CACNA1C: variants seen among roughly 807,000 people sequenced by gnomAD.
The protein encoded by CACNA1C is voltage-dependent L-type calcium channel subunit alpha-1C.
Under a neutral mutation model 229.0 loss-of-function variants are expected in CACNA1C, and 30 were observed. The ratio of observed to expected loss-of-function variants is 0.13; its 90% CI spans 0.10 to 0.18. CACNA1C has a LOEUF of 0.18. Among genes scored for constraint, CACNA1C ranks in the 10% least tolerant of loss-of-function variants. CACNA1C has a pLI of 1.00. For missense variants in CACNA1C, 1,658 were observed against 2,845.0 expected (o/e 0.58, Z 9.49); for synonymous variants, 1,114 against 1,132.5 (o/e 0.98, Z 0.33).
Position 2,651,109 on chromosome 12 carries a change from G to A in CACNA1C, c.3946-531G>A, listed in dbSNP as rs1021719041. On this transcript the variant is annotated intron_variant, in intron 31 of 46. Coordinates refer to ENST00000399655, the MANE Select transcript of CACNA1C (RefSeq NM_000719.7). The surrounding 1 kb of genome is among the most constrained non-coding windows in gnomAD (Gnocchi z 5.4). ...CAGCTGGGGCATGAGGTCCTTCAGG[G>A]GGCAGCCCACCAGGACCCCCAAATC... The A allele has an allele frequency of 1.3e-5, 2 of 154,970 alleles. No homozygotes were observed. Among genetic ancestry groups the A allele is most frequent in the Admixed American group, 1.3e-4 (2 of 15,470 alleles). The allele number at this position is 154,970 out of a possible 1,614,324, so 9.6% of individuals were successfully genotyped here.
rs1309109204 is a variant in CACNA1C at position 2,067,778 on chromosome 12, C to T, written c.49+14167C>T. ...ACGGTAGAAAGGAGGAGTGATGGGG[C>T]AATCAAGACCACAAGTGCCAACCTC... On this transcript the variant is annotated intron_variant, in intron 1 of 46. Coordinates refer to ENST00000399655, the MANE Select transcript of CACNA1C (RefSeq NM_000719.7). The surrounding 1 kb of genome is among the most constrained non-coding windows in gnomAD (Gnocchi z 5.3). Among the ~76,000 whole-genome samples, 3 of 152,048 alleles carry T rather than the reference C, an allele frequency of 2.0e-5. No individual in the cohort carries two copies. The East Asian group carries it at 5.8e-4, about 29-fold the overall frequency.
At chr12:2,429,919 G>A (rs540282347) in intron 3 of CACNA1C, among the ~76,000 whole-genome samples, 4 of 152,284 alleles carry the variant, frequency 2.6e-5, no homozygotes, top group East Asian at 1.9e-4. Flanking sequence ...TTTGAGCAGC[G>A]CCTTAGTCAG....
chr12:2,503,047 G>A (rs1302516426), intron 7 of CACNA1C, among the ~76,000 whole-genome samples: 1 of 152,238 alleles, frequency 6.6e-6, no homozygotes, highest in Non-Finnish European at 1.5e-5. Flanking sequence ...ATGCAACCTT[G>A]TGGAGGTACA....
chr12:2,173,059 AGTGTGTCCGGCG>A (rs2096544055), intron 3 of CACNA1C, among the ~76,000 whole-genome samples: 2 of 152,204 alleles, frequency 1.3e-5, no homozygotes, highest in African/African-American at 2.4e-5. Flanking sequence ...CAGTGGGATG[AGTGTGTCCGGCG>A]GTGTCTCTTA....
intron 1 of CACNA1C, among the ~76,000 whole-genome samples, chr12:2,047,681 G>A (rs2051314978): frequency 6.6e-6 from 1 of 152,238 alleles, no homozygotes; most frequent in South Asian, 2.1e-4. Flanking sequence ...ACAGGTGGGA[G>A]CACTACACTG....
At chr12:2,095,853 G>A (rs1033953474) in intron 1 of CACNA1C, among the ~76,000 whole-genome samples, 1 of 152,212 alleles carries the variant, frequency 6.6e-6, no homozygotes, top group Admixed American at 6.5e-5. Context: ...GGTCCCACTG[G>A]ATGGAGGCTG....
intron 3 of CACNA1C, among the ~76,000 whole-genome samples, chr12:2,158,366 A>G (rs1424514863): frequency 6.6e-6 from 1 of 152,154 alleles, no homozygotes; most frequent in Non-Finnish European, 1.5e-5. Flanking sequence ...GCTTGAGCTC[A>G]GGAGTTCGAG....
intron 3 of CACNA1C, among the ~76,000 whole-genome samples, chr12:2,173,126 C>T (rs959987807): frequency 6.6e-6 from 1 of 152,054 alleles, no homozygotes; most frequent in African/African-American, 2.4e-5. Flanking sequence ...CGTGTTTGGC[C>T]CTAACCCAGG....
chr12:2,252,434 AC>A (rs2075915307), intron 3 of CACNA1C, among the ~76,000 whole-genome samples: 1 of 152,022 alleles, frequency 6.6e-6, no homozygotes. Flanking sequence ...TAGAAAGAGG[AC>A]CCTCTGGGAG....
intron 6 of CACNA1C, among the ~76,000 whole-genome samples, chr12:2,491,388 A>G (rs775984008): frequency 1.3e-5 from 2 of 152,178 alleles, no homozygotes; most frequent in South Asian, 2.1e-4. Flanking sequence ...TTATAAGTCA[A>G]TAAAGCTGAT....
rs2059699150 is a variant in CACNA1C, at chr12:2,215,285, T to C, written c.477+94855T>C. ...CCTTGTCCTTTGCACTTCCTCATCA[T>C]TCCCTTTCTGCGAGCTTGCCCACTT... On this transcript the variant is annotated intron_variant, in intron 3 of 46. Transcript: ENST00000399655. The surrounding 1 kb of genome is among the most constrained non-coding windows in gnomAD (Gnocchi z 5.0). Among the ~76,000 whole-genome samples the C allele has an allele frequency of 6.6e-6, 1 of 152,168 alleles. No homozygotes were observed. Among genetic ancestry groups the C allele is most frequent in the South Asian group, 2.1e-4 (1 of 4,830 alleles).
intron 30 of CACNA1C, among the ~76,000 whole-genome samples, chr12:2,635,334 C>G (rs1323958308): frequency 1.3e-5 from 2 of 152,206 alleles, no homozygotes; most frequent in Admixed American, 1.3e-4. Context: ...TTAAATCTCT[C>G]TTTATCTATA....
chr12:2,655,272 C>T, intron 34 of CACNA1C, 34 bp downstream of exon 34: 1 of 1,281,724 alleles, frequency 7.8e-7, no homozygotes, highest in Non-Finnish European at 1.1e-6. Flanking sequence ...CACAGATACA[C>T]ACACACCTGC....
At chr12:2,419,390 G>GCA (rs902673541) in intron 3 of CACNA1C, among the ~76,000 whole-genome samples, 12 of 152,098 alleles carry the variant, frequency 7.9e-5, no homozygotes, top group African/African-American at 2.9e-4. Context: ...CCCAAGGACA[G>GCA]CACCAAGACA....
At position 2,674,573 on chromosome 12, in the gene CACNA1C, G is replaced by C. The variant is rs1400837937; in HGVS notation, c.4759G>C (p.Ala1587Pro). ...AGAACAAGCCAATGAGGAGCTGCGG[G>C]CGATCATCAAGAAGATCTGGAAGCG... ...NLEQANEELRAIIKKIWKRTS... is the reference protein window; with the variant it reads ...NLEQANEELRPIIKKIWKRTS... The change falls in exon 39 of 47, where the codon GCG becomes CCG. Residue 1587 changes from alanine (A) to proline (P), a missense_variant. This residue lies in a region of CACNA1C where 151 missense variants were observed against 344.4 expected (regional missense o/e 0.44). Transcript: ENST00000399655. 1 of 1,572,968 alleles carries C rather than the reference G, an allele frequency of 6.4e-7. No homozygotes were observed. The highest frequency in any genetic ancestry group is 1.2e-5 in the South Asian group (1 of 85,550).
chr12:2,043,512 C>T (rs959285653), intron 1 of CACNA1C, among the ~76,000 whole-genome samples: 1 of 152,126 alleles, frequency 6.6e-6, no homozygotes, highest in Non-Finnish European at 1.5e-5. Context: ...ATCTCCTCAA[C>T]CTGGAGGTGA....
intron 3 of CACNA1C, among the ~76,000 whole-genome samples, chr12:2,167,179 A>G (rs534652680): frequency 1.3e-5 from 2 of 152,222 alleles, no homozygotes; most frequent in African/African-American, 2.4e-5. Flanking sequence ...TAACTAGACA[A>G]TTATATAACA....
At chr12:2,471,571 C>T (rs768284605) in intron 5 of CACNA1C, among the ~76,000 whole-genome samples, 14 of 152,074 alleles carry the variant, frequency 9.2e-5, no homozygotes, top group Non-Finnish European at 1.8e-4. Flanking sequence ...CCTCTTTTGA[C>T]GAATATTTTT....
chr12:2,164,931 T>C (rs1229937896), intron 3 of CACNA1C, among the ~76,000 whole-genome samples: 1 of 152,204 alleles, frequency 6.6e-6, no homozygotes, highest in Non-Finnish European at 1.5e-5. Context: ...AGGGGTGTGT[T>C]TTCTAGTCCT....
Sources: allele counts gnomAD v4.1 joint callset (sites outside exome capture counted in the v4.1 genomes callset), GRCh38; gene constraint gnomAD v4.1.1; regional missense constraint gnomAD v4.1.1; non-coding constraint Gnocchi (gnomAD v3.1); transcripts MANE v1.5; gene names NCBI Gene and HGNC (gene_info 2026-07-23, HGNC 2026-07-21).